Variants in UTP6 observed in about 807,000 individuals in gnomAD.
The protein encoded by UTP6 is U3 small nucleolar RNA-associated protein 6 homolog.
In UTP6, 60 loss-of-function variants were observed where a neutral mutation model predicts 96.5. The ratio of observed to expected loss-of-function variants is 0.62; its 90% CI spans 0.51 to 0.77. UTP6 has a LOEUF of 0.77. Ranked by LOEUF, UTP6 falls within the 30% of genes least tolerant of loss-of-function variation. UTP6 has a pLI of 0.00. For synonymous variants in UTP6, 215 were observed against 240.1 expected (o/e 0.90, Z 0.96); for missense variants, 637 against 706.5 (o/e 0.90, Z 1.12).
intron 16 of UTP6, 42 bp downstream of exon 16, chr17:31,873,336 G>T: frequency 2.5e-6 from 4 of 1,573,920 alleles, no homozygotes; most frequent in Non-Finnish European, 3.5e-6. Flanking sequence ...GGCTGAGCAT[G>T]GGGTAGAGGG....
At chr17:31,881,590 T>C (rs1048065894) in intron 10 of UTP6, among the ~76,000 whole-genome samples, 11 of 152,196 alleles carry the variant, frequency 7.2e-5, no homozygotes, top group African/African-American at 2.2e-4. Flanking sequence ...CCCACATTTA[T>C]TGAGTTTCAG....
At chr17:31,889,249 A>G (rs1156494404) in intron 7 of UTP6, 36 bp downstream of exon 7, 2 of 1,501,796 alleles carry the variant, frequency 1.3e-6, no homozygotes, top group Admixed American at 1.9e-5. Flanking sequence ...CCAAACTGAA[A>G]CATCACTGTC....
At chr17:31,864,562 TA>T (rs1909709603) in intron 18 of UTP6, among the ~76,000 whole-genome samples, 1 of 152,226 alleles carries the variant, frequency 6.6e-6, no homozygotes, top group Non-Finnish European at 1.5e-5. Context: ...CATGTAACTC[TA>T]AATACATTTT....
intron 10 of UTP6, among the ~76,000 whole-genome samples, chr17:31,881,361 G>A (rs1910829400): frequency 6.6e-6 from 1 of 151,024 alleles, no homozygotes; most frequent in Admixed American, 6.6e-5. Flanking sequence ...CCATCTCCTG[G>A]ATTCAAGCAA....
intron 10 of UTP6, among the ~76,000 whole-genome samples, chr17:31,883,309 G>A (rs1426517818): frequency 6.7e-6 from 1 of 150,246 alleles, no homozygotes. Flanking sequence ...TTTTATATAA[G>A]CTTTAGATTT....
At chr17:31,878,000 A>T (rs1410367951) in intron 13 of UTP6, among the ~76,000 whole-genome samples, 1 of 151,890 alleles carries the variant, frequency 6.6e-6, no homozygotes, top group Non-Finnish European at 1.5e-5. Flanking sequence ...GGGTGGACAA[A>T]CAAAATAAAC....
At chr17:31,863,795 T>C (rs956223686) in intron 18 of UTP6, among the ~76,000 whole-genome samples, 4 of 152,096 alleles carry the variant, frequency 2.6e-5, no homozygotes, top group African/African-American at 4.8e-5. Context: ...CTCAACCTCC[T>C]GAGTTCAAGT....
At position 31,878,378 on chromosome 17, in the gene UTP6, T is replaced by C. The variant is rs953819725; in HGVS notation, c.1048-51A>G. The C allele has an allele frequency of 7.1e-6, 11 of 1,553,664 alleles. No individual in the cohort carries two copies. In the African/African-American group the frequency reaches 1.4e-4, roughly 19 times the overall value. ...CATTACAAAGATCCCAGCAGGGGCC[T>C]CTGGCCTCTGACATGAACAAAAGCA... On this transcript the variant is annotated intron_variant, in intron 12 of 18. Transcript: ENST00000261708.
At chr17:31,872,430 G>A (rs889164785) in intron 16 of UTP6, among the ~76,000 whole-genome samples, 1 of 152,030 alleles carries the variant, frequency 6.6e-6, no homozygotes, top group Non-Finnish European at 1.5e-5. Context: ...CACTTTGGGA[G>A]GCTGAGGCAG....
Position 31,863,035 on chromosome 17 carries a change from T to TA in UTP6, c.*323_*324insT, listed in dbSNP as rs1177257272. The TA allele has an allele frequency of 4.4e-6, 1 of 225,074 alleles. No individual in the cohort carries two copies. The highest frequency in any genetic ancestry group is 5.1e-5 in the Admixed American group (1 of 19,532). 13.9% of individuals were successfully genotyped at this position (225,074 alleles called of 1,614,324 possible). ...CCTCAACATTAAATCAGCAATTCTC[T>TA]TTACTGGAATCAGATTAGCACATCA... On this transcript the variant is annotated 3_prime_UTR_variant, in exon 19 of 19. Coordinates refer to ENST00000261708, the MANE Select transcript of UTP6 (RefSeq NM_018428.3).
intron 2 of UTP6, among the ~76,000 whole-genome samples, chr17:31,898,402 T>C (rs1012276028): frequency 6.6e-6 from 1 of 152,008 alleles, no homozygotes; most frequent in Non-Finnish European, 1.5e-5. Context: ...TGTGGGCACC[T>C]GTAATCCCAG....
At chr17:31,876,472 C>G (rs1315322198) in intron 13 of UTP6, among the ~76,000 whole-genome samples, 1 of 145,630 alleles carries the variant, frequency 6.9e-6, no homozygotes, top group Non-Finnish European at 1.5e-5. Flanking sequence ...TGGAGAAACC[C>G]TGTCACTACT....
chr17:31,884,268 G>A (rs920078058), intron 10 of UTP6, among the ~76,000 whole-genome samples, 156 bp downstream of exon 10: 12 of 152,210 alleles, frequency 7.9e-5, no homozygotes, highest in Non-Finnish European at 1.3e-4. Context: ...AAAGTGCTGG[G>A]ATTACAGGTG....
intron 8 of UTP6, among the ~76,000 whole-genome samples, chr17:31,886,281 C>T (rs560682438): frequency 6.6e-6 from 1 of 152,328 alleles, no homozygotes; most frequent in African/African-American, 2.4e-5. Flanking sequence ...GGCAAGATCA[C>T]ATGGCTTAAG....
chr17:31,896,337 C>A (rs1431407337), intron 2 of UTP6, among the ~76,000 whole-genome samples: 3 of 152,060 alleles, frequency 2.0e-5, no homozygotes, highest in Non-Finnish European at 4.4e-5. Context: ...CTCAGCCTCC[C>A]AAAGTGCTAG....
At chr17:31,875,139 T>C (rs1309231495) in intron 14 of UTP6, 95 bp downstream of exon 14, 7 of 1,427,908 alleles carry the variant, frequency 4.9e-6, no homozygotes, top group South Asian at 1.3e-5. Flanking sequence ...CACTCTAGAG[T>C]TGGCTCTCAA....
Position 31,865,403 on chromosome 17 carries a change from A to T in UTP6, c.1599T>A (p.Tyr533Ter). Residue 533 changes from tyrosine (Y) to a stop codon, truncating the protein, a stop_gained, in exon 18 of 19, where the codon TAT becomes TAA. Coordinates refer to ENST00000261708, the MANE Select transcript of UTP6 (RefSeq NM_018428.3). LOFTEE classifies it high-confidence loss of function. ...SCNMANIREY[Y>*]ERALREFGSA... is the part of the protein sequence containing the mutation. ...ATCCAAACTCTCTCAAAGCTCTCTC[A>T]TAATATTCTCTTATGTTCGCCATAT... 6.2e-7 allele frequency: 1 copy of T among 1,614,070 alleles called. No individual in the cohort carries two copies. Among genetic ancestry groups the T allele is most frequent in the Non-Finnish European group, 8.5e-7 (1 of 1,179,944 alleles).
Position 31,884,087 on chromosome 17 carries a change from C to T in UTP6, c.785+337G>A, listed in dbSNP as rs920215230. Among the ~76,000 whole-genome samples the T allele has an allele frequency of 4.0e-5, 6 of 151,756 alleles. 1 individual carries two copies. Among genetic ancestry groups the T allele is most frequent in the African/African-American group, 1.5e-4 (6 of 41,288 alleles). On this transcript the variant is annotated intron_variant, in intron 10 of 18. Transcript: ENST00000261708. ...GATCTTGGCTCACTGCAACCTCCGC[C>T]TCCCAGGTTCAAGCGAGTCTCCTGG... is the stretch of plus-strand genomic sequence containing the variant.
chr17:31,899,724 G>A lies in UTP6; in HGVS notation c.99C>T (p.Ile33=). 1 of 1,591,902 alleles carries A rather than the reference G, an allele frequency of 6.3e-7. No homozygotes were observed. The highest frequency in any genetic ancestry group is 1.4e-5 in the African/African-American group (1 of 73,938). Residue 33 remains isoleucine, a synonymous_variant, in exon 2 of 19, where the codon ATC becomes ATT. Transcript: ENST00000261708. The part of the protein sequence containing the change: ...GLFSHAEIKA[I]IKKASDLEYK... Reference sequence around the variant, plus strand: ...ACTCTAGATCGGAAGCCTTCTTAATGATAGCCCTGAGGAGAAAGCCATTTA... The same window carrying A: ...ACTCTAGATCGGAAGCCTTCTTAATAATAGCCCTGAGGAGAAAGCCATTTA...
Sources: gnomAD v4.1 joint callset for allele counts (sites outside exome capture counted in the v4.1 genomes callset) on GRCh38, gnomAD v4.1.1 for gene constraint, MANE v1.5 for transcripts, NCBI Gene and HGNC (gene_info 2026-07-23, HGNC 2026-07-21) for gene names.